Variants in ZNF138 observed in about 807,000 individuals in gnomAD.
ZNF138 encodes the protein zinc finger protein 138.
In ZNF138, 33 loss-of-function variants were observed where a neutral mutation model predicts 33.0. That is an observed-to-expected ratio of 1.00 (90% CI 0.76 to 1.34). The LOEUF (loss-of-function observed/expected upper bound fraction) is 1.34, where lower values mean the gene tolerates loss of function less well. Among genes scored for constraint, ZNF138 ranks in the 40% most tolerant of loss-of-function variants. ZNF138 has a pLI of 0.00. For synonymous variants in ZNF138, 139 were observed against 120.4 expected, an observed-to-expected ratio of 1.15 and a Z score of -1.01; for missense variants, 360 against 370.8, an observed-to-expected ratio of 0.97 and a Z score of 0.24.
rs1385103533 is a variant in ZNF138 at position 64,832,318 on chromosome 7, G to T, written c.*116G>T. 2.5e-6 allele frequency: 4 copies of T among 1,570,544 alleles called. No homozygotes were observed. The highest frequency in any genetic ancestry group is 3.4e-6 in the Non-Finnish European group (4 of 1,162,154). On this transcript the variant is annotated 3_prime_UTR_variant, in exon 4 of 4. Coordinates refer to ENST00000307355, the MANE Select transcript of ZNF138 (RefSeq NM_001271639.2). ...ATTACACATAAGATAATTCATAGCG[G>T]AGAGAAACCCCACAAATGTGAAGAA...
chr7:64,858,128 G>A, the ZNF138 span, among the ~76,000 whole-genome samples: 3 of 152,158 alleles, frequency 2.0e-5, no homozygotes, highest in Admixed American at 1.3e-4. Flanking sequence ...TTTGCCACAA[G>A]CATTTTATTT....
At chr7:64,851,671 A>C in the ZNF138 span, among the ~76,000 whole-genome samples, 11 of 152,232 alleles carry the variant, frequency 7.2e-5, no homozygotes, top group Non-Finnish European at 1.2e-4. Flanking sequence ...GTAGCACTAT[A>C]AAATACCTAA....
the ZNF138 span, among the ~76,000 whole-genome samples, chr7:64,850,418 A>G: frequency 7.9e-5 from 12 of 152,126 alleles, no homozygotes; most frequent in African/African-American, 2.9e-4. Flanking sequence ...GAGTCTCCAC[A>G]TACTGCTCTG....
At chr7:64,854,027 C>T in the ZNF138 span, among the ~76,000 whole-genome samples, 9 of 59,476 alleles carry the variant, frequency 1.5e-4, no homozygotes, top group Non-Finnish European at 2.9e-4. Context: ...ACAAAAACCT[C>T]TTTAACCAGA....
intron 3 of ZNF138, among the ~76,000 whole-genome samples, chr7:64,829,170 A>G (rs1789883384): frequency 6.6e-6 from 1 of 152,158 alleles, no homozygotes; most frequent in Non-Finnish European, 1.5e-5. Flanking sequence ...GAGAGTGTGT[A>G]TCATTAATGT....
In ZNF138 at chr7:64,832,648, A is replaced by G. The variant is rs1430428786; in HGVS notation, c.*446A>G. On this transcript the variant is annotated 3_prime_UTR_variant, in exon 4 of 4. Transcript: ENST00000307355. ...CACCTTATGAGACATAAGAAAATTCATAGTAAAGAGAAACCCTACAAATGT... is the reference window on the plus strand; with the variant it reads ...CACCTTATGAGACATAAGAAAATTCGTAGTAAAGAGAAACCCTACAAATGT... 3 of 454,624 alleles carry G rather than the reference A, an allele frequency of 6.6e-6. No homozygotes were observed. The highest frequency in any genetic ancestry group is 1.3e-5 in the Non-Finnish European group (3 of 230,694). The allele number at this position is 454,624 out of a possible 1,614,324, so 28.2% of individuals were successfully genotyped here.
intron 3 of ZNF138, chr7:64,831,123 TG>T (rs1180777835): frequency 6.4e-7 from 1 of 1,551,570 alleles, no homozygotes; most frequent in African/African-American, 1.4e-5. Flanking sequence ...AACCAAGAGT[TG>T]GCAGTTTACT....
intron 3 of ZNF138, among the ~76,000 whole-genome samples, chr7:64,822,642 TTATC>T (rs1273266780): frequency 1.4e-5 from 2 of 147,428 alleles, no homozygotes; most frequent in Non-Finnish European, 2.9e-5. Context: ...TTTCATCTGT[TTATC>T]TATTTTTGTG....
Position 64,832,345 on chromosome 7 carries a change from G to A in ZNF138, c.*143G>A. The A allele has an allele frequency of 1.3e-6, 2 of 1,567,498 alleles. No individual in the cohort carries two copies. Among genetic ancestry groups the A allele is most frequent in the Non-Finnish European group, 1.7e-6 (2 of 1,161,698 alleles). ...GAGAAACCCCACAAATGTGAAGAAT[G>A]TGGCAGAGCTTTTAACCAGTCCGCA... On this transcript the variant is annotated 3_prime_UTR_variant, in exon 4 of 4. Transcript: ENST00000307355.
In ZNF138 at chr7:64,817,399, C is replaced by T. The variant is rs368279598; in HGVS notation, c.208+1746C>T. ...CCATTTCTTGGTATGTAGCCAAGAA[C>T]GGGAATCTTGCAGTTTGCCACCTGA... is the stretch of plus-strand genomic sequence containing the variant. On this transcript the variant is annotated intron_variant, in intron 3 of 3. Coordinates refer to ENST00000307355, the MANE Select transcript of ZNF138 (RefSeq NM_001271639.2). Among the ~76,000 whole-genome samples, 13 of 152,290 alleles carry T rather than the reference C, an allele frequency of 8.5e-5. No individual in the cohort carries two copies. In the South Asian group the frequency reaches 1.9e-3, roughly 22 times the overall value.
At chr7:64,829,786 A>G (rs1184371276) in intron 3 of ZNF138, among the ~76,000 whole-genome samples, 1 of 151,914 alleles carries the variant, frequency 6.6e-6, no homozygotes, top group East Asian at 2.0e-4. Context: ...ATTTTTGTGT[A>G]TGTGCATGTC....
intron 1 of ZNF138, among the ~76,000 whole-genome samples, chr7:64,811,370 A>G (rs1788165288): frequency 6.6e-6 from 1 of 152,166 alleles, no homozygotes. Flanking sequence ...CTTGAGACAG[A>G]GTGTTGCTGT....
chr7:64,799,708 A>G lies in ZNF138; in HGVS notation c.3+5137A>G, dbSNP rs917235301. Reference sequence around the variant, plus strand: ...GCCCAGGCTGGAGTGCAATGGTGCAATCTTGGCTCACTGCAACCTCGACCT... The same window carrying G: ...GCCCAGGCTGGAGTGCAATGGTGCAGTCTTGGCTCACTGCAACCTCGACCT... On this transcript the variant is annotated intron_variant, in intron 1 of 3. Transcript: ENST00000307355. Among the ~76,000 whole-genome samples the G allele has an allele frequency of 1.2e-4, 18 of 152,096 alleles. No individual in the cohort carries two copies. The South Asian group carries it at 3.3e-3, about 28-fold the overall frequency.
At chr7:64,804,930 CTCATG>C (rs1296826863) in intron 1 of ZNF138, among the ~76,000 whole-genome samples, 5 of 152,190 alleles carry the variant, frequency 3.3e-5, no homozygotes, top group African/African-American at 1.2e-4. Flanking sequence ...ACCCGTGTTT[CTCATG>C]TCGAGAGTAG....
At chr7:64,797,259 A>G (rs2128982425) in intron 1 of ZNF138, among the ~76,000 whole-genome samples, 1 of 152,344 alleles carries the variant, frequency 6.6e-6, no homozygotes, top group South Asian at 2.1e-4. Context: ...AAGTGTTCCC[A>G]TATGACTAAT....
the ZNF138 span, among the ~76,000 whole-genome samples, chr7:64,848,536 A>G: frequency 6.6e-6 from 1 of 151,254 alleles, no homozygotes; most frequent in Admixed American, 6.6e-5. Context: ...TTCACTGAAG[A>G]TTTCTCCCCT....
At chr7:64,824,974 T>A (rs1164246364) in intron 3 of ZNF138, among the ~76,000 whole-genome samples, 1 of 151,596 alleles carries the variant, frequency 6.6e-6, no homozygotes, top group South Asian at 2.1e-4. Context: ...CTCAAGTAGC[T>A]GGGATTATAG....
chr7:64,829,977 T>G (rs1037569997), intron 3 of ZNF138, among the ~76,000 whole-genome samples: 23 of 152,172 alleles, frequency 1.5e-4, no homozygotes, highest in African/African-American at 5.5e-4. Flanking sequence ...GCCAATATAC[T>G]TTTTCAGGAT....
Position 64,805,321 on chromosome 7 carries a change from C to T in ZNF138, c.4-9597C>T, listed in dbSNP as rs185143099. The stretch of plus-strand genomic sequence containing the variant: ...GGCTGAGCCAGGAGAATTGCTTGAA[C>T]CCGGAAGGTGGAGGTTGCAGTGAGC... On this transcript the variant is annotated intron_variant, in intron 1 of 3. Coordinates refer to ENST00000307355, the MANE Select transcript of ZNF138 (RefSeq NM_001271639.2). 2.3e-4 allele frequency among the ~76,000 whole-genome samples: 35 copies of T among 152,032 alleles called. No homozygotes were observed. In the East Asian group the frequency reaches 6.8e-3, roughly 30 times the overall value.
Sources: gnomAD v4.1 joint callset for allele counts (sites outside exome capture counted in the v4.1 genomes callset) on GRCh38, gnomAD v4.1.1 for gene constraint, MANE v1.5 for transcripts, NCBI Gene and HGNC (gene_info 2026-07-23, HGNC 2026-07-21) for gene names.